Variants in HIF1A observed in about 807,000 individuals in gnomAD.
HIF1A encodes hypoxia-inducible factor 1-alpha.
In HIF1A, 24 loss-of-function variants were observed where a neutral mutation model predicts 92.7. That is an observed-to-expected ratio of 0.26 (90% CI 0.19 to 0.36). The LOEUF (loss-of-function observed/expected upper bound fraction) is 0.36. HIF1A is among the 10% of genes least tolerant of loss of function. HIF1A has a pLI of 1.00. For synonymous variants in HIF1A, 319 were observed against 338.7 expected (o/e 0.94, Z 0.64); for missense variants, 799 against 998.5 (o/e 0.80, Z 2.69).
intron 1 of HIF1A, among the ~76,000 whole-genome samples, chr14:61,705,752 G>T (rs1200676601): frequency 6.6e-6 from 1 of 152,150 alleles, no homozygotes. Context: ...AAAGAAACAG[G>T]ATCAGAAGGT....
chr14:61,738,748 T>G (rs1344289246), intron 10 of HIF1A, among the ~76,000 whole-genome samples: 1 of 152,130 alleles, frequency 6.6e-6, no homozygotes, highest in Non-Finnish European at 1.5e-5. Flanking sequence ...GTTTGTTTTA[T>G]TGTGTTTTGT....
intron 5 of HIF1A, among the ~76,000 whole-genome samples, chr14:61,727,026 G>A (rs895921071): frequency 3.9e-5 from 6 of 152,202 alleles, no homozygotes; most frequent in Admixed American, 3.3e-4. Flanking sequence ...CTTAAATTAC[G>A]TGAATTGTGG....
chr14:61,738,030 TAA>T (rs372062450), intron 9 of HIF1A, 55 bp from the exon 10 acceptor site: 18,061 of 1,179,814 alleles, frequency 0.015, no homozygotes, highest in South Asian at 0.017. Context: ...CTGTCTTGGG[TAA>T]AAAAAAAAAA....
intron 7 of HIF1A, among the ~76,000 whole-genome samples, chr14:61,733,409 G>A (rs548929293): frequency 2.0e-5 from 3 of 152,258 alleles, no homozygotes; most frequent in African/African-American, 7.2e-5. Context: ...CCCAAAACAA[G>A]TACCTTTGAC....
At chr14:61,738,728 AC>A (rs951343280) in intron 10 of HIF1A, among the ~76,000 whole-genome samples, 4 of 152,076 alleles carry the variant, frequency 2.6e-5, no homozygotes, top group Admixed American at 6.6e-5. Context: ...TATACCTGTT[AC>A]CCCTTTTAGT....
In HIF1A at chr14:61,741,027, TA is replaced by T; in HGVS notation, c.1933del (p.Thr645ProfsTer33). ...IKILIASPSP[T>X]HIHKETTSAT... ...AAATATTGATTGCATCTCCATCTCC[TA>T]CCCACATACATAAAGAAACTACTAG... is the stretch of plus-strand genomic sequence containing the variant. On this transcript the variant is annotated frameshift_variant, in exon 12 of 15. Transcript: ENST00000337138. LOFTEE classifies it high-confidence loss of function. 1 of 1,614,136 alleles carries T rather than the reference TA, an allele frequency of 6.2e-7. No individual in the cohort carries two copies. Among genetic ancestry groups the T allele is most frequent in the Non-Finnish European group, 8.5e-7 (1 of 1,179,988 alleles).
intron 1 of HIF1A, chr14:61,715,905 G>A (rs2044358507): frequency 6.6e-6 from 1 of 152,156 alleles, no homozygotes; most frequent in Non-Finnish European, 1.5e-5. Context: ...GGTAGGGAGG[G>A]GGAGGATTGC....
At chr14:61,696,538 G>A (rs1280966014) in intron 1 of HIF1A, among the ~76,000 whole-genome samples, 4 of 152,174 alleles carry the variant, frequency 2.6e-5, no homozygotes, top group Non-Finnish European at 5.9e-5. Flanking sequence ...CCTAGACTGA[G>A]AGTCAGAGTA....
chr14:61,746,040 A>G (rs2044780701), intron 14 of HIF1A, among the ~76,000 whole-genome samples: 1 of 152,088 alleles, frequency 6.6e-6, no homozygotes, highest in Non-Finnish European at 1.5e-5. Flanking sequence ...CCTGGCCACC[A>G]TGGTGAAACC....
rs2044643576 is a variant in HIF1A at position 61,736,822 on chromosome 14, C to T, written c.1029-67C>T. The T allele has an allele frequency of 9.2e-6, 10 of 1,090,244 alleles. No homozygotes were observed. In the Admixed American group the frequency reaches 1.2e-4, roughly 13 times the overall value. 67.5% of individuals were successfully genotyped at this position (1,090,244 alleles called of 1,614,324 possible). On this transcript the variant is annotated intron_variant, in intron 8 of 14. Coordinates refer to ENST00000337138, the MANE Select transcript of HIF1A (RefSeq NM_001530.4). Reference sequence around the variant, plus strand: ...CAGAATTTTTTAAGAGACCATTTCACAGTCTCCCTTCCCCTCACTGTATCA... The same window carrying T: ...CAGAATTTTTTAAGAGACCATTTCATAGTCTCCCTTCCCCTCACTGTATCA...
chr14:61,720,646 G>A, intron 2 of HIF1A, 74 bp downstream of exon 2: 3 of 971,528 alleles, frequency 3.1e-6, no homozygotes, highest in South Asian at 2.0e-5. Flanking sequence ...ATTTTTAGAA[G>A]GTGGTCGCAA....
rs1209084990 is a variant in HIF1A, at chr14:61,737,176, ATTACT to A, written c.1249+72_1249+76del. The stretch of plus-strand genomic sequence containing the variant: ...GCTACAAGCCCCATTTCAACTAAAC[ATTACT>A]TTACGGTTTTTGTTGGTAATCATTT... On this transcript the variant is annotated intron_variant, in intron 9 of 14. Transcript: ENST00000337138. The A allele has an allele frequency of 5.1e-5, 55 of 1,069,954 alleles. No homozygotes were observed. The African/African-American group carries it at 7.2e-4, about 14-fold the overall frequency. The allele number at this position is 1,069,954 out of a possible 1,614,324, so 66.3% of individuals were successfully genotyped here. A position where few individuals can be genotyped will look rare whatever the true frequency, so the allele number is the denominator to read the frequency against.
chr14:61,707,604 G>A (rs1395891744), intron 1 of HIF1A, among the ~76,000 whole-genome samples: 1 of 151,704 alleles, frequency 6.6e-6, no homozygotes, highest in East Asian at 1.9e-4. Context: ...ATGGTTTCCG[G>A]CTTCATCCAT....
At chr14:61,713,781 G>A (rs2044332999) in intron 1 of HIF1A, among the ~76,000 whole-genome samples, 1 of 152,180 alleles carries the variant, frequency 6.6e-6, no homozygotes, top group South Asian at 2.1e-4. Context: ...TTTGAAGCCT[G>A]TCAGTCAGAA....
chr14:61,738,999 C>T (rs969421810), intron 10 of HIF1A, among the ~76,000 whole-genome samples: 6 of 152,258 alleles, frequency 3.9e-5, no homozygotes, highest in African/African-American at 7.2e-5. Context: ...GATCCTCCTG[C>T]CTTGGCCTCC....
intron 6 of HIF1A, among the ~76,000 whole-genome samples, chr14:61,731,797 C>T (rs940987736): frequency 6.6e-6 from 1 of 152,160 alleles, no homozygotes; most frequent in Non-Finnish European, 1.5e-5. Flanking sequence ...TTTATTAATA[C>T]CCTGCCTTGT....
At chr14:61,703,623 A>T (rs936049756) in intron 1 of HIF1A, among the ~76,000 whole-genome samples, 6 of 146,896 alleles carry the variant, frequency 4.1e-5, no homozygotes, top group Admixed American at 6.8e-5. Context: ...TTGTAATATA[A>T]AAAAAAAAAA....
chr14:61,706,783 G>C (rs2044243550), intron 1 of HIF1A, among the ~76,000 whole-genome samples: 2 of 152,180 alleles, frequency 1.3e-5, no homozygotes, highest in African/African-American at 2.4e-5. Flanking sequence ...ATGAAACATA[G>C]ACTTTAAACA....
intron 4 of HIF1A, among the ~76,000 whole-genome samples, chr14:61,722,229 C>T (rs114590109): frequency 0.014 from 2,189 of 152,040 alleles, 52 homozygotes; most frequent in African/African-American, 0.05. Context: ...GGACCACAGA[C>T]GCGTGCTACC....
Sources: gnomAD v4.1 joint callset for allele counts (sites outside exome capture counted in the v4.1 genomes callset) on GRCh38, gnomAD v4.1.1 for gene constraint, MANE v1.5 for transcripts, NCBI Gene and HGNC (gene_info 2026-07-23, HGNC 2026-07-21) for gene names.